The following ZNF136 variants were observed in gnomAD, a reference collection of about 807,000 sequenced individuals.
The protein encoded by ZNF136 is zinc finger protein 136 (clone pHZ-20).
In ZNF136, 8 loss-of-function variants were observed where a neutral mutation model predicts 11.4. That is an observed-to-expected ratio of 0.70 (90% CI 0.41 to 1.27). ZNF136 has a LOEUF of 1.27. ZNF136 is among the 50% of genes most tolerant of loss of function. The pLI, the probability that ZNF136 is intolerant of heterozygous loss-of-function variation, is 0.01. For missense variants in ZNF136, 590 were observed against 656.5 expected, an observed-to-expected ratio of 0.90 and a Z score of 1.11; for synonymous variants, 190 against 207.1, an observed-to-expected ratio of 0.92 and a Z score of 0.71.
At chr19:12,186,048 C>T in intron 2 of ZNF136, 66 bp from the exon 3 acceptor site, 20 of 1,590,482 alleles carry the variant, frequency 1.3e-5, no homozygotes, top group Non-Finnish European at 1.7e-5. Context: ...GTATCATGAA[C>T]CTAGAATCTA....
At chr19:12,170,836 AT>A (rs1195624356) in intron 1 of ZNF136, among the ~76,000 whole-genome samples, 2,329 of 133,700 alleles carry the variant, frequency 0.017, 39 homozygotes, top group African/African-American at 0.053. Flanking sequence ...CACCCAGCTA[AT>A]TTTTTTTTTT....
Position 12,185,620 on chromosome 19 carries a change from T to G in ZNF136, c.4-165T>G, listed in dbSNP as rs1356691948. 3.7e-6 allele frequency: 3 copies of G among 815,922 alleles called. No homozygotes were observed. The East Asian group carries it at 8.8e-5, about 24-fold the overall frequency. 50.5% of individuals were successfully genotyped at this position (815,922 alleles called of 1,614,324 possible). ...CTATTGTTCTACCCGATAGTTCCAT[T>G]CTAGTATGAGAGTTGCTGTGTGGAA... is the stretch of plus-strand genomic sequence containing the variant. On this transcript the variant is annotated intron_variant, in intron 1 of 3. Transcript: ENST00000343979.
At chr19:12,169,369 C>A (rs1163321639) in intron 1 of ZNF136, 1 of 152,204 alleles carries the variant, frequency 6.6e-6, no homozygotes, top group African/African-American at 2.4e-5. Context: ...GGAGCATTTC[C>A]ACACTGAGAA....
intron 1 of ZNF136, 104 bp downstream of exon 1, chr19:12,163,310 T>G: frequency 7.8e-7 from 1 of 1,287,206 alleles, no homozygotes; most frequent in Non-Finnish European, 1.0e-6. Flanking sequence ...CGACTCTGGG[T>G]CTGCGTACCG....
intron 1 of ZNF136, among the ~76,000 whole-genome samples, chr19:12,166,635 G>A (rs138506180): frequency 1.3e-5 from 2 of 152,248 alleles, no homozygotes; most frequent in African/African-American, 4.8e-5. Context: ...TCCTCTAATA[G>A]GATTTTTGTT....
intron 1 of ZNF136, among the ~76,000 whole-genome samples, chr19:12,177,256 T>C (rs1008367298): frequency 2.6e-5 from 4 of 152,274 alleles, no homozygotes; most frequent in African/African-American, 9.6e-5. Flanking sequence ...ATGTTTTTGA[T>C]ACTGATTCTA....
At chr19:12,180,496 A>G (rs906231742) in intron 1 of ZNF136, among the ~76,000 whole-genome samples, 3 of 152,220 alleles carry the variant, frequency 2.0e-5, no homozygotes, top group South Asian at 2.1e-4. Flanking sequence ...AGACTGGTTT[A>G]TAAGAAGGAA....
In ZNF136 at chr19:12,187,452, C is replaced by T. The variant is rs967929075; in HGVS notation, c.1074C>T (p.His358=). 3 of 1,613,964 alleles carry T rather than the reference C, an allele frequency of 1.9e-6. No individual in the cohort carries two copies. Among genetic ancestry groups the T allele is most frequent in the Non-Finnish European group, 2.5e-6 (3 of 1,179,990 alleles). ...ASTFQIHERT[H]TGEKPYECKE... ...CCTTTCAAATACATGAAAGGACTCA[C>T]ACTGGAGAAAAACCTTATGAATGTA... The change falls in exon 4 of 4, where the codon CAC becomes CAT. Residue 358 remains histidine, a synonymous_variant. Coordinates refer to ENST00000343979, the MANE Select transcript of ZNF136 (RefSeq NM_003437.5).
chr19:12,167,220 T>C (rs1204568936), intron 1 of ZNF136, among the ~76,000 whole-genome samples: 1 of 152,192 alleles, frequency 6.6e-6, no homozygotes, highest in Non-Finnish European at 1.5e-5. Flanking sequence ...TCTCTATATT[T>C]TGGAGTAATT....
At chr19:12,168,057 CTTTTTTTTTTTTTTTTTTTTTT>C (rs386388563) in intron 1 of ZNF136, among the ~76,000 whole-genome samples, 1 of 71,102 alleles carries the variant, frequency 1.4e-5, no homozygotes, top group East Asian at 4.9e-4. Context: ...TTTTCTTTTT[CTTTTTTTTTTTTTTTTTTTTTT>C]TTTTTTTTGT....
intron 1 of ZNF136, among the ~76,000 whole-genome samples, chr19:12,181,386 TC>T (rs1163076748): frequency 6.6e-6 from 1 of 152,168 alleles, no homozygotes; most frequent in African/African-American, 2.4e-5. Context: ...AGGTATAATT[TC>T]TGCAGTCCCC....
intron 1 of ZNF136, among the ~76,000 whole-genome samples, chr19:12,175,026 TTTTG>T (rs898460867): frequency 1.3e-5 from 2 of 151,338 alleles, no homozygotes; most frequent in Non-Finnish European, 2.9e-5. Context: ...CCAGCTAATT[TTTTG>T]TATTTTTAAT....
In ZNF136 at chr19:12,169,125, G is replaced by A. The variant is rs551345208; in HGVS notation, c.3+5919G>A. On this transcript the variant is annotated intron_variant, in intron 1 of 3. Transcript: ENST00000343979. Reference sequence around the variant, plus strand: ...ACCACCCTCCCAGCACATCAGGGCCGGGACTGGCATCTGCAGTGGGGGCTG... The same window carrying A: ...ACCACCCTCCCAGCACATCAGGGCCAGGACTGGCATCTGCAGTGGGGGCTG... Among the ~76,000 whole-genome samples the A allele has an allele frequency of 2.4e-4, 37 of 152,296 alleles. No individual in the cohort carries two copies. The South Asian group carries it at 4.4e-3, about 18-fold the overall frequency.
intron 1 of ZNF136, among the ~76,000 whole-genome samples, chr19:12,173,410 A>G (rs1053699304): frequency 7.9e-5 from 12 of 152,104 alleles, no homozygotes; most frequent in African/African-American, 2.7e-4. Flanking sequence ...TGATGTCTGT[A>G]TAAAAGGCCC....
At position 12,186,137 on chromosome 19, in the gene ZNF136, A is replaced by G. The variant is rs181612745; in HGVS notation, c.154A>G (p.Ile52Val). ...SIGKKWKDQNIKDHYKHRGRN... is the reference protein window; with the variant it reads ...SIGKKWKDQNVKDHYKHRGRN... The stretch of plus-strand genomic sequence containing the variant: ...AGGGAAAAAATGGAAGGACCAGAAC[A>G]TTAAAGATCACTACAAACACCGAGG... The change falls in exon 3 of 4, where the codon ATT becomes GTT. Residue 52 changes from isoleucine to valine, a missense_variant. Physicochemically the swap from Ile to Val is conservative, Grantham distance 29 (BLOSUM62 3). Transcript: ENST00000343979. 8 of 1,611,358 alleles carry G rather than the reference A, an allele frequency of 5.0e-6. No homozygotes were observed. The highest frequency in any genetic ancestry group is 4.5e-5 in the East Asian group (2 of 44,860).
At chr19:12,169,454 G>T (rs1449842879) in intron 1 of ZNF136, 1 of 152,180 alleles carries the variant, frequency 6.6e-6, no homozygotes, top group Non-Finnish European at 1.5e-5. Context: ...CATTGCCTAG[G>T]AGAAGCCACT....
intron 1 of ZNF136, among the ~76,000 whole-genome samples, chr19:12,168,673 G>C (rs1348678519): frequency 1.3e-5 from 2 of 151,940 alleles, no homozygotes. Flanking sequence ...GGCTGTTCTT[G>C]GGTCATCCTT....
chr19:12,186,228 G>A (rs954620141), intron 3 of ZNF136, 54 bp downstream of exon 3: 1 of 1,537,272 alleles, frequency 6.5e-7, no homozygotes, highest in African/African-American at 1.4e-5. Context: ...AGCATGTCAT[G>A]AAATTTTAAA....
chr19:12,183,248 A>G (rs2145639841), intron 1 of ZNF136, among the ~76,000 whole-genome samples: 1 of 152,020 alleles, frequency 6.6e-6, no homozygotes, highest in Non-Finnish European at 1.5e-5. Flanking sequence ...CGGTTCAAGC[A>G]ATCCTCCCAC....
Sources: gnomAD v4.1 joint callset for allele counts (sites outside exome capture counted in the v4.1 genomes callset) on GRCh38, gnomAD v4.1.1 for gene constraint, MANE v1.5 for transcripts, NCBI Gene and HGNC (gene_info 2026-07-23, HGNC 2026-07-21) for gene names.